Variants in THSD7B observed in about 807,000 individuals in gnomAD.
THSD7B encodes thrombospondin type 1 domain containing 7B.
THSD7B carries 138 observed loss-of-function variants against 213.6 expected under a neutral mutation model. The ratio of observed to expected loss-of-function variants is 0.65; its 90% CI spans 0.56 to 0.74. The LOEUF (loss-of-function observed/expected upper bound fraction) is 0.74. Ranked by LOEUF, THSD7B falls within the 30% of genes least tolerant of loss-of-function variation. The probability of loss-of-function intolerance (pLI) is 0.00; values close to 1 mark genes in which losing one functional copy is unlikely to be tolerated. For synonymous variants in THSD7B, 742 were observed against 687.0 expected (o/e 1.08, Z -1.25); for missense variants, 1,931 against 1,991.5 (o/e 0.97, Z 0.58).
At chr2:136,843,027 T>C (rs915457557) in intron 1 of THSD7B, among the ~76,000 whole-genome samples, 1 of 152,166 alleles carries the variant, frequency 6.6e-6, no homozygotes, top group South Asian at 2.1e-4. Flanking sequence ...AAGAATGTTA[T>C]TGTAATTTTG....
At chr2:136,987,462 G>A (rs778822045) in intron 2 of THSD7B, among the ~76,000 whole-genome samples, 2 of 152,326 alleles carry the variant, frequency 1.3e-5, no homozygotes, top group East Asian at 1.9e-4. Flanking sequence ...AGTCAGGCAT[G>A]TGAGGATAGG....
At chr2:136,931,109 C>A (rs1337585103) in intron 2 of THSD7B, among the ~76,000 whole-genome samples, 1 of 152,140 alleles carries the variant, frequency 6.6e-6, no homozygotes, top group Non-Finnish European at 1.5e-5. Context: ...TTAACAGCCT[C>A]ATGGGACTGA....
intron 1 of THSD7B, among the ~76,000 whole-genome samples, chr2:136,870,980 A>T (rs1008765084): frequency 6.6e-6 from 1 of 151,582 alleles, no homozygotes; most frequent in African/African-American, 2.4e-5. Flanking sequence ...GGTGTCTTGC[A>T]TTAGGAGGGG....
intron 3 of THSD7B, among the ~76,000 whole-genome samples, chr2:137,070,809 G>A (rs1013647353): frequency 1.3e-5 from 2 of 152,000 alleles, no homozygotes; most frequent in South Asian, 2.1e-4. Context: ...GAGAACATGC[G>A]GTGTTTGGTT....
At chr2:137,255,562 A>G (rs1682287455) in intron 10 of THSD7B, among the ~76,000 whole-genome samples, 1 of 152,036 alleles carries the variant, frequency 6.6e-6, no homozygotes, top group Admixed American at 6.6e-5. Flanking sequence ...GTGAACTCTC[A>G]CCCTAATACT....
At chr2:137,035,601 A>G (rs986568930) in intron 2 of THSD7B, among the ~76,000 whole-genome samples, 8 of 151,940 alleles carry the variant, frequency 5.3e-5, no homozygotes, top group African/African-American at 1.9e-4. Flanking sequence ...GATCCTACCA[A>G]CTTGTCTAGG....
chr2:137,331,028 G>C (rs931311365), intron 12 of THSD7B, among the ~76,000 whole-genome samples: 2 of 152,176 alleles, frequency 1.3e-5, no homozygotes, highest in African/African-American at 4.8e-5. Flanking sequence ...TAGATACAGA[G>C]TGTCCATTGG....
At chr2:137,280,311 C>T (rs1001357044) in intron 12 of THSD7B, among the ~76,000 whole-genome samples, 3 of 152,062 alleles carry the variant, frequency 2.0e-5, no homozygotes, top group East Asian at 1.9e-4. Flanking sequence ...TGGGGTGTTA[C>T]GGATTCCTTA....
chr2:136,804,043 T>C (rs1324846603), intron 1 of THSD7B, among the ~76,000 whole-genome samples: 1 of 152,142 alleles, frequency 6.6e-6, no homozygotes, highest in Non-Finnish European at 1.5e-5. Context: ...CCAGAAATAA[T>C]GTCTTACCAG....
At chr2:136,856,325 C>A (rs908900258) in intron 1 of THSD7B, among the ~76,000 whole-genome samples, 2 of 152,082 alleles carry the variant, frequency 1.3e-5, no homozygotes, top group Non-Finnish European at 2.9e-5. Context: ...TCTCAACCAC[C>A]TTTTTAACAG....
intron 2 of THSD7B, among the ~76,000 whole-genome samples, chr2:137,005,335 A>T (rs903640818): frequency 2.0e-5 from 3 of 152,230 alleles, no homozygotes; most frequent in African/African-American, 7.2e-5. Context: ...TCCCTAAAGA[A>T]AAGAAAAGTA....
At chr2:136,941,299 A>G (rs1300177036) in intron 2 of THSD7B, among the ~76,000 whole-genome samples, 1 of 152,216 alleles carries the variant, frequency 6.6e-6, no homozygotes, top group African/African-American at 2.4e-5. Flanking sequence ...TGTTGTGAAT[A>G]GTGCCGCAGT....
intron 10 of THSD7B, among the ~76,000 whole-genome samples, chr2:137,260,471 G>C (rs941476121): frequency 2.0e-5 from 3 of 152,096 alleles, no homozygotes; most frequent in East Asian, 1.9e-4. Flanking sequence ...TTCTTAAAAA[G>C]GTAAAAATTG....
intron 5 of THSD7B, among the ~76,000 whole-genome samples, chr2:137,140,642 T>C (rs907307961): frequency 1.3e-5 from 2 of 152,168 alleles, no homozygotes; most frequent in Non-Finnish European, 2.9e-5. Flanking sequence ...TCTTGCTTTT[T>C]GGAGTTTATT....
intron 5 of THSD7B, among the ~76,000 whole-genome samples, chr2:137,130,943 G>C (rs1573841969): frequency 6.6e-6 from 1 of 151,728 alleles, no homozygotes; most frequent in East Asian, 1.9e-4. Context: ...AGATCTCTGA[G>C]GAATCGCCAC....
At chr2:137,194,601 G>T (rs188231044) in intron 7 of THSD7B, among the ~76,000 whole-genome samples, 1 of 152,250 alleles carries the variant, frequency 6.6e-6, no homozygotes, top group East Asian at 1.9e-4. Context: ...ATCAACCTTT[G>T]AGTCTTTCAG....
intron 2 of THSD7B, among the ~76,000 whole-genome samples, chr2:137,014,778 G>A (rs59628716): frequency 0.076 from 11,520 of 152,076 alleles, 472 homozygotes; most frequent in East Asian, 0.15. Context: ...TCCTCACACC[G>A]CATCTCAGTC....
chr2:137,321,176 A>T (rs1437581335), intron 12 of THSD7B, among the ~76,000 whole-genome samples: 1 of 152,220 alleles, frequency 6.6e-6, no homozygotes, highest in East Asian at 1.9e-4. Flanking sequence ...TATAAAAATT[A>T]TTCTTTCCAT....
chr2:137,013,234 CA>C (rs1318335519), intron 2 of THSD7B, among the ~76,000 whole-genome samples: 1 of 152,050 alleles, frequency 6.6e-6, no homozygotes, highest in Non-Finnish European at 1.5e-5. Flanking sequence ...AATAAATTGA[CA>C]AAATATATGA....
Sources: allele counts gnomAD v4.1 joint callset (sites outside exome capture counted in the v4.1 genomes callset), GRCh38; gene constraint gnomAD v4.1.1; transcripts MANE v1.5; gene names NCBI Gene and HGNC (gene_info 2026-07-23, HGNC 2026-07-21).